Variants in WDR7 observed in about 807,000 individuals in gnomAD.
WDR7 encodes the protein WD repeat domain 7.
In WDR7, 46 loss-of-function variants were observed where a neutral mutation model predicts 169.4. That is an observed-to-expected ratio of 0.27 (90% confidence interval 0.21 to 0.35). The LOEUF (loss-of-function observed/expected upper bound fraction) is 0.35, where lower values mean the gene tolerates loss of function less well. WDR7 is among the 10% of genes least tolerant of loss of function. WDR7 has a pLI of 1.00. For synonymous variants in WDR7, 612 were observed against 666.8 expected (o/e 0.92, Z 1.27); for missense variants, 1,534 against 1,859.3 (o/e 0.83, Z 3.22).
chr18:57,007,594 A>G (rs1214609757), intron 26 of WDR7, among the ~76,000 whole-genome samples: 1 of 152,188 alleles, frequency 6.6e-6, no homozygotes, highest in African/African-American at 2.4e-5. Flanking sequence ...AAGTTTAAAT[A>G]CTGTCAACCT....
At chr18:56,836,452 A>T (rs1330812218) in intron 20 of WDR7, among the ~76,000 whole-genome samples, 1 of 152,206 alleles carries the variant, frequency 6.6e-6, no homozygotes, top group Non-Finnish European at 1.5e-5. Context: ...TTCCTTCACC[A>T]GCCAGTCACA....
At chr18:57,002,506 G>A (rs2047998250) in intron 26 of WDR7, among the ~76,000 whole-genome samples, 1 of 151,946 alleles carries the variant, frequency 6.6e-6, no homozygotes, top group Non-Finnish European at 1.5e-5. Context: ...ACTGTTTATC[G>A]CATCCTACAC....
chr18:56,944,877 CTA>C (rs1433989466), intron 25 of WDR7, among the ~76,000 whole-genome samples: 1 of 152,074 alleles, frequency 6.6e-6, no homozygotes, highest in Admixed American at 6.5e-5. Flanking sequence ...AAAGAAGACA[CTA>C]TGTAAATGTA....
At chr18:56,966,484 A>G (rs960606515) in intron 26 of WDR7, among the ~76,000 whole-genome samples, 5 of 151,984 alleles carry the variant, frequency 3.3e-5, no homozygotes, top group Non-Finnish European at 5.9e-5. Context: ...TGATTTTAAT[A>G]TTTTCTTTTC....
chr18:56,730,865 G>T (rs1324437391), intron 13 of WDR7, among the ~76,000 whole-genome samples: 1 of 152,158 alleles, frequency 6.6e-6, no homozygotes, highest in African/African-American at 2.4e-5. Flanking sequence ...CATTTGGCTG[G>T]ATGGTGAGAG....
intron 20 of WDR7, among the ~76,000 whole-genome samples, chr18:56,843,562 A>G (rs556663026): frequency 6.6e-6 from 1 of 152,280 alleles, no homozygotes; most frequent in South Asian, 2.1e-4. Flanking sequence ...GATCCATTCA[A>G]CAGAGTGGAT....
At chr18:56,813,755 G>A (rs2044916629) in intron 19 of WDR7, among the ~76,000 whole-genome samples, 1 of 151,110 alleles carries the variant, frequency 6.6e-6, no homozygotes, top group Admixed American at 6.6e-5. Context: ...TTTTTTTTCT[G>A]GTGAGGATTT....
At chr18:56,928,490 T>G (rs1599165596) in intron 22 of WDR7, among the ~76,000 whole-genome samples, 2 of 152,154 alleles carry the variant, frequency 1.3e-5, no homozygotes, top group Admixed American at 1.3e-4. Context: ...ATCTCAAACA[T>G]AATTTCCTTC....
Position 57,027,291 on chromosome 18 carries a change from G to A in WDR7, c.*84G>A, listed in dbSNP as rs2048380527. 1.3e-6 allele frequency: 2 copies of A among 1,490,436 alleles called. No individual in the cohort carries two copies. The highest frequency in any genetic ancestry group is 1.4e-5 in the African/African-American group (1 of 72,370). The allele number at this position is 1,490,436 out of a possible 1,614,324, so 92.3% of individuals were successfully genotyped here. ...GCTCTGTCCTTCCTCACACCAGATTGTTCCCAGGGGCCTGCCCACCCCAGT... is the reference window on the plus strand; with the variant it reads ...GCTCTGTCCTTCCTCACACCAGATTATTCCCAGGGGCCTGCCCACCCCAGT... On this transcript the variant is annotated 3_prime_UTR_variant, in exon 28 of 28. Transcript: ENST00000254442.
intron 20 of WDR7, among the ~76,000 whole-genome samples, chr18:56,856,583 C>T (rs1300196666): frequency 6.6e-6 from 1 of 151,442 alleles, no homozygotes; most frequent in East Asian, 1.9e-4. Context: ...TTTTTAAAAT[C>T]TTTTTTAATT....
At chr18:57,033,776 G>A (rs1431252745), downstream of WDR7, 1 of 151,666 alleles carries the variant, frequency 6.6e-6, no homozygotes, top group Non-Finnish European at 1.5e-5. Context: ...CAGCCAAAGA[G>A]AACTGTCTCA....
At chr18:56,805,816 T>A (rs2044764035) in intron 19 of WDR7, among the ~76,000 whole-genome samples, 1 of 152,184 alleles carries the variant, frequency 6.6e-6, no homozygotes, top group Non-Finnish European at 1.5e-5. Flanking sequence ...GAAAATTTCT[T>A]TCTTGCTTCA....
chr18:56,799,367 A>G (rs770322563), intron 19 of WDR7, among the ~76,000 whole-genome samples: 19 of 152,216 alleles, frequency 1.2e-4, no homozygotes, highest in Non-Finnish European at 2.9e-5. Context: ...GGATGACAAT[A>G]TCTTAAGTAT....
chr18:56,694,453 G>C (rs2025651568), intron 9 of WDR7, among the ~76,000 whole-genome samples, 166 bp from the exon 10 acceptor site: 1 of 152,068 alleles, frequency 6.6e-6, no homozygotes, highest in South Asian at 2.1e-4. Context: ...ATGTATGTTA[G>C]TGCTATAGAA....
intron 12 of WDR7, among the ~76,000 whole-genome samples, chr18:56,712,050 G>C (rs77475090): frequency 0.034 from 5,211 of 152,248 alleles, 298 homozygotes; most frequent in African/African-American, 0.12. Flanking sequence ...GGGCACATAA[G>C]ACCATTGCTT....
intron 19 of WDR7, among the ~76,000 whole-genome samples, chr18:56,787,540 T>C (rs1445649623): frequency 2.0e-5 from 3 of 152,208 alleles, no homozygotes; most frequent in Admixed American, 2.0e-4. Context: ...AGCACAATCC[T>C]TTGTTCTTAT....
In WDR7 at chr18:56,779,563, G is replaced by A. The variant is rs376320608; in HGVS notation, c.3066+14G>A. ...CGATGCTTGGAGGTAATGCTAAAGT[G>A]ATAAGGATAGAAAACAAAAATATTA... On this transcript the variant is annotated intron_variant, in intron 18 of 27. Transcript: ENST00000254442. 5.6e-6 allele frequency: 9 copies of A among 1,598,848 alleles called. No homozygotes were observed. Among genetic ancestry groups the A allele is most frequent in the Non-Finnish European group, 6.0e-6 (7 of 1,171,904 alleles).
intron 19 of WDR7, among the ~76,000 whole-genome samples, chr18:56,797,006 C>T (rs1032495368): frequency 2.6e-5 from 4 of 152,276 alleles, no homozygotes; most frequent in African/African-American, 9.6e-5. Context: ...CCATCAGGTA[C>T]TGGCTCACAG....
intron 26 of WDR7, among the ~76,000 whole-genome samples, chr18:56,965,205 G>A (rs951620741): frequency 1.3e-5 from 2 of 152,138 alleles, no homozygotes; most frequent in South Asian, 2.1e-4. Context: ...TTGGCTGTAG[G>A]GGTATGGTCC....
Sources: gnomAD v4.1 joint callset for allele counts (sites outside exome capture counted in the v4.1 genomes callset) on GRCh38, gnomAD v4.1.1 for gene constraint, MANE v1.5 for transcripts, NCBI Gene and HGNC (gene_info 2026-07-23, HGNC 2026-07-21) for gene names.